Variants in WWOX observed in about 807,000 individuals in gnomAD.
The protein encoded by WWOX is WW domain containing oxidoreductase, also known as WW domain-containing oxidoreductase.
WWOX carries 69 observed loss-of-function variants against 46.2 expected under a neutral mutation model. The observed-to-expected ratio is 1.49, with a 90% CI of 1.23 to 1.82. The LOEUF (loss-of-function observed/expected upper bound fraction) is 1.82, where lower values mean the gene tolerates loss of function less well. Ranked by LOEUF, WWOX falls within the 40% of genes most tolerant of loss-of-function variation. The probability of loss-of-function intolerance (pLI) is 0.00; values close to 1 mark genes in which losing one functional copy is unlikely to be tolerated. For synonymous variants in WWOX, 359 were observed against 202.6 expected (o/e 1.77, Z -6.56); for missense variants, 919 against 542.6 (o/e 1.69, Z -6.89).
intron 8 of WWOX, among the ~76,000 whole-genome samples, chr16:78,791,928 TAGA>T (rs949879148): frequency 6.6e-6 from 1 of 152,044 alleles, no homozygotes; most frequent in Non-Finnish European, 1.5e-5. Flanking sequence ...AAAAAATACA[TAGA>T]AGAGGCCTTC....
At chr16:78,560,986 T>C (rs1340310299) in intron 8 of WWOX, among the ~76,000 whole-genome samples, 1 of 152,202 alleles carries the variant, frequency 6.6e-6, no homozygotes, top group Non-Finnish European at 1.5e-5. Flanking sequence ...GCTTCTCTGC[T>C]CAGGGTCTCT....
At chr16:79,012,962 C>T (rs1053666287) in intron 8 of WWOX, among the ~76,000 whole-genome samples, 7 of 152,078 alleles carry the variant, frequency 4.6e-5, no homozygotes, top group Non-Finnish European at 7.4e-5. Context: ...GAGGCCGAGG[C>T]GGGTGGATCG....
chr16:78,498,476 C>G (rs1459044726), intron 8 of WWOX, among the ~76,000 whole-genome samples: 1 of 152,114 alleles, frequency 6.6e-6, no homozygotes, highest in African/African-American at 2.4e-5. Context: ...TATGATAAAA[C>G]TCTACCCACT....
chr16:78,154,749 A>C (rs947762123), intron 4 of WWOX, among the ~76,000 whole-genome samples: 1 of 152,054 alleles, frequency 6.6e-6, no homozygotes, highest in Non-Finnish European at 1.5e-5. Context: ...ATAGTCTCAC[A>C]CTTGACATAG....
At chr16:78,820,198 T>A (rs896255967) in intron 8 of WWOX, among the ~76,000 whole-genome samples, 17 of 152,130 alleles carry the variant, frequency 1.1e-4, no homozygotes, top group Admixed American at 9.8e-4. Context: ...CACTGACATC[T>A]GGGTGTTGTA....
chr16:78,741,527 C>A (rs546726876), intron 8 of WWOX, among the ~76,000 whole-genome samples: 1 of 151,748 alleles, frequency 6.6e-6, no homozygotes, highest in South Asian at 2.1e-4. Flanking sequence ...CACTGCACCC[C>A]AGCCTGGGCG....
chr16:79,164,691 G>A (rs1425948850), intron 8 of WWOX, among the ~76,000 whole-genome samples: 1 of 152,190 alleles, frequency 6.6e-6, no homozygotes, highest in Non-Finnish European at 1.5e-5. Context: ...TCTGACAGCT[G>A]CATAATTAAA....
In WWOX at chr16:79,201,999, G is replaced by A. The variant is rs150500464; in HGVS notation, c.1057-9609G>A. Among the ~76,000 whole-genome samples, 251 of 152,286 alleles carry A rather than the reference G, an allele frequency of 1.6e-3. 2 individuals carry two copies. Among genetic ancestry groups the A allele is most frequent in the African/African-American group, 5.7e-3 (238 of 41,562 alleles). Reference sequence around the variant, plus strand: ...TCAGTCTTTAATAACAGTCTTAATCGTGTGTAGAGCAGAGATTGACAAACT... The same window carrying A: ...TCAGTCTTTAATAACAGTCTTAATCATGTGTAGAGCAGAGATTGACAAACT... On this transcript the variant is annotated intron_variant, in intron 8 of 8. Transcript: ENST00000566780.
intron 8 of WWOX, chr16:78,825,349 G>A (rs2051621949): frequency 6.4e-6 from 2 of 313,598 alleles, no homozygotes; most frequent in South Asian, 7.1e-5. Flanking sequence ...AACGGAATCA[G>A]TTTCTTACTC....
intron 8 of WWOX, among the ~76,000 whole-genome samples, chr16:78,595,730 G>A (rs962717192): frequency 3.9e-5 from 6 of 152,288 alleles, no homozygotes; most frequent in Non-Finnish European, 7.3e-5. Context: ...TCTATACATG[G>A]TGTAATGATT....
chr16:78,721,431 G>C (rs149448238), intron 8 of WWOX, among the ~76,000 whole-genome samples: 2 of 152,138 alleles, frequency 1.3e-5, no homozygotes, highest in Non-Finnish European at 2.9e-5. Flanking sequence ...TTGTCGGCTG[G>C]AGAGTATTCA....
intron 8 of WWOX, among the ~76,000 whole-genome samples, chr16:78,631,146 T>A (rs2046419339): frequency 6.6e-6 from 1 of 152,236 alleles, no homozygotes; most frequent in South Asian, 2.1e-4. Flanking sequence ...CTTGAGCATT[T>A]GTGGATTTTG....
chr16:78,436,681 G>C (rs1178030271), intron 8 of WWOX, among the ~76,000 whole-genome samples: 1 of 152,126 alleles, frequency 6.6e-6, no homozygotes, highest in Non-Finnish European at 1.5e-5. Context: ...CAAATTCACA[G>C]GCATTCACTT....
chr16:79,131,677 C>A (rs1407663339), intron 8 of WWOX, among the ~76,000 whole-genome samples: 2 of 152,028 alleles, frequency 1.3e-5, no homozygotes, highest in African/African-American at 2.4e-5. Flanking sequence ...TGAATTAACA[C>A]AGGGTGTCTT....
intron 5 of WWOX, among the ~76,000 whole-genome samples, chr16:78,378,606 C>T (rs561965009): frequency 1.3e-5 from 2 of 152,300 alleles, no homozygotes; most frequent in South Asian, 4.1e-4. Context: ...CATGTCAATA[C>T]TGTGCTCAAC....
intron 8 of WWOX, among the ~76,000 whole-genome samples, chr16:79,037,872 C>G (rs1053124924): frequency 6.6e-6 from 1 of 152,138 alleles, no homozygotes; most frequent in African/African-American, 2.4e-5. Flanking sequence ...GGGTGGCCGA[C>G]TGTGCCAGTA....
chr16:78,303,986 A>G (rs1373539197), intron 5 of WWOX, among the ~76,000 whole-genome samples: 2 of 152,232 alleles, frequency 1.3e-5, no homozygotes, highest in Non-Finnish European at 2.9e-5. Context: ...TTAAATTAGC[A>G]TGAAATAGTT....
chr16:78,127,529 A>AG (rs1555539373), intron 4 of WWOX, among the ~76,000 whole-genome samples: 40 of 150,840 alleles, frequency 2.7e-4, no homozygotes, highest in African/African-American at 7.8e-4. Context: ...AAAAAAAAAA[A>AG]CCACCGAGAC....
At chr16:78,180,665 G>T (rs2042352) in intron 5 of WWOX, among the ~76,000 whole-genome samples, 1 of 151,502 alleles carries the variant, frequency 6.6e-6, no homozygotes, top group Admixed American at 6.6e-5. Context: ...CAGCCGCACC[G>T]GAGAGTTGTG....
Sources: gnomAD v4.1 joint callset for allele counts (sites outside exome capture counted in the v4.1 genomes callset) on GRCh38, gnomAD v4.1.1 for gene constraint, MANE v1.5 for transcripts, NCBI Gene and HGNC (gene_info 2026-07-23, HGNC 2026-07-21) for gene names.